Variants in C9orf78 observed in about 807,000 individuals in gnomAD.
The protein encoded by C9orf78 is chromosome 9 open reading frame 78.
Under a neutral mutation model 37.4 loss-of-function variants are expected in C9orf78, and 19 were observed. The ratio of observed to expected loss-of-function variants is 0.51; its 90% CI spans 0.35 to 0.74. The LOEUF (loss-of-function observed/expected upper bound fraction) is 0.74. Ranked by LOEUF, C9orf78 falls within the 30% of genes least tolerant of loss-of-function variation. C9orf78 has a pLI of 0.01. For synonymous variants in C9orf78, 130 were observed against 128.0 expected, an observed-to-expected ratio of 1.02 and a Z score of -0.10; for missense variants, 291 against 370.8, an observed-to-expected ratio of 0.78 and a Z score of 1.77.
rs1184879500 is a variant in C9orf78 at position 129,833,567 on chromosome 9, G to A, written c.196-50C>T. ...AGGAAGCATCTAAATACATGGTAGTGGAATTTTTTTTTTTGTGAAGCACGC... is the reference window on the plus strand; with the variant it reads ...AGGAAGCATCTAAATACATGGTAGTAGAATTTTTTTTTTTGTGAAGCACGC... On this transcript the variant is annotated intron_variant, in intron 3 of 8. Transcript: ENST00000372447. 5 of 1,494,888 alleles carry A rather than the reference G, an allele frequency of 3.3e-6. No individual in the cohort carries two copies. In the East Asian group the frequency reaches 9.0e-5, roughly 27 times the overall value. 92.6% of individuals were successfully genotyped at this position (1,494,888 alleles called of 1,614,324 possible). A position where few individuals can be genotyped will look rare whatever the true frequency, so the allele number is the denominator to read the frequency against.
At chr9:129,833,612 G>C (rs753258332) in intron 3 of C9orf78, 46 bp downstream of exon 3, 2 of 1,486,068 alleles carry the variant, frequency 1.3e-6, no homozygotes, top group South Asian at 2.3e-5. Context: ...GAAGAGCACT[G>C]CAGGGAGGGC....
chr9:129,834,758 A>T lies in C9orf78; in HGVS notation c.92T>A (p.Leu31Gln). The part of the protein sequence containing the change: ...EQDSEEVRLK[L>Q]EETREVQNLR... ...GTTCTGTACCTCTCTGGTCTCTTCC[A>T]GTTTTAATCTTTAAAAAGAAGAAGA... is the stretch of plus-strand genomic sequence containing the variant. Residue 31 changes from leucine to glutamine, a missense_variant, in exon 2 of 9, where the codon CTG becomes CAG. By Grantham distance (113) the Leu-to-Gln change is moderately radical. This residue lies in a region of C9orf78 where 158 missense variants were observed against 174.8 expected (regional missense o/e 0.90). Transcript: ENST00000372447. 2 of 1,609,430 alleles carry T rather than the reference A, an allele frequency of 1.2e-6. No homozygotes were observed. Among genetic ancestry groups the T allele is most frequent in the Non-Finnish European group, 1.7e-6 (2 of 1,176,358 alleles).
chr9:129,829,009 G>A (rs2031417058), intron 8 of C9orf78, 196 bp downstream of exon 8: 1 of 679,512 alleles, frequency 1.5e-6, no homozygotes, highest in African/African-American at 1.8e-5. Context: ...TAACAGGTAG[G>A]TTCTATTAGG....
At position 129,828,230 on chromosome 9, in the gene C9orf78, A is replaced by T; in HGVS notation, c.801T>A (p.Arg267=). The part of the protein sequence containing the change: ...EPERSPPNRK[R]PANEKATDDY... ...CATCAGTTGCCTTCTCGTTAGCAGG[A>T]CGCTTGCGGTTAGGAGGGGACCCTG... The change falls in exon 9 of 9, where the codon CGT becomes CGA. Residue 267 remains arginine, a synonymous_variant. Coordinates refer to ENST00000372447, the MANE Select transcript of C9orf78 (RefSeq NM_016520.3). 1 of 1,606,060 alleles carries T rather than the reference A, an allele frequency of 6.2e-7. No individual in the cohort carries two copies.
intron 4 of C9orf78, among the ~76,000 whole-genome samples, chr9:129,832,406 T>C (rs1030199121): frequency 2.6e-5 from 4 of 152,304 alleles, no homozygotes; most frequent in Admixed American, 6.5e-5. Context: ...ACAGTAAACT[T>C]TTATTTTTTT....
chr9:129,833,444 T>A lies in C9orf78; in HGVS notation c.266+3A>T. The A allele has an allele frequency of 6.4e-7, 1 of 1,571,478 alleles. No homozygotes were observed. Among genetic ancestry groups the A allele is most frequent in the Non-Finnish European group, 8.8e-7 (1 of 1,141,008 alleles). On this transcript the variant is annotated splice_donor_region_variant and intron_variant, in intron 4 of 8. Coordinates refer to ENST00000372447, the MANE Select transcript of C9orf78 (RefSeq NM_016520.3). ...TTTGCATCTAAGCTTGTCCTGAACTTACTTATCTTTGCCCCTTTCCTTCAG... is the reference window on the plus strand; with the variant it reads ...TTTGCATCTAAGCTTGTCCTGAACTAACTTATCTTTGCCCCTTTCCTTCAG...
At chr9:129,831,101 G>T in intron 5 of C9orf78, 33 bp from the exon 6 acceptor site, 2 of 1,407,298 alleles carry the variant, frequency 1.4e-6, no homozygotes, top group Non-Finnish European at 2.0e-6. Context: ...CTCAGGGAGG[G>T]GTGGGAAACA....
intron 1 of C9orf78, 81 bp downstream of exon 1, chr9:129,835,058 C>T (rs1729254696): frequency 8.7e-6 from 10 of 1,143,958 alleles, no homozygotes; most frequent in Non-Finnish European, 1.3e-5. Context: ...TTAACAATGT[C>T]AGCGAAGCGC....
At chr9:129,831,289 G>T in intron 5 of C9orf78, 1 of 557,014 alleles carries the variant, frequency 1.8e-6, no homozygotes, top group Non-Finnish European at 3.2e-6. Flanking sequence ...GATGTACAAG[G>T]TTCTTTGAAG....
rs553422756 is a variant in C9orf78 at position 129,835,230 on chromosome 9, C to A, written c.-9G>T. 3 of 1,602,546 alleles carry A rather than the reference C, an allele frequency of 1.9e-6. No homozygotes were observed. The highest frequency in any genetic ancestry group is 1.1e-5 in the South Asian group (1 of 90,902). ...TTCCGGACGACCGGCATGGTGACAA[C>A]GGCCGAGTTGTACAGCCGCCGCGCC... On this transcript the variant is annotated 5_prime_UTR_variant, in exon 1 of 9. Coordinates refer to ENST00000372447, the MANE Select transcript of C9orf78 (RefSeq NM_016520.3).
At chr9:129,835,074 C>A in intron 1 of C9orf78, 65 bp downstream of exon 1, 1 of 1,235,774 alleles carries the variant, frequency 8.1e-7, no homozygotes, top group Non-Finnish European at 1.2e-6. Flanking sequence ...AGCGCCGAGC[C>A]GGTGGTGAGT....
chr9:129,829,988 A>G (rs2031448402), intron 6 of C9orf78: 1 of 154,982 alleles, frequency 6.5e-6, no homozygotes, highest in African/African-American at 2.4e-5. Context: ...AGGGCCTGAT[A>G]CAGCTGAACA....
At chr9:129,831,202 G>C in intron 5 of C9orf78, 134 bp from the exon 6 acceptor site, 4 of 654,956 alleles carry the variant, frequency 6.1e-6, no homozygotes, top group Non-Finnish European at 1.1e-5. Context: ...AATAACTTGA[G>C]TTTTTTCATC....
Position 129,834,279 on chromosome 9 carries a change from C to T in C9orf78, c.143+428G>A, listed in dbSNP as rs1419441816. 2 of 181,906 alleles carry T rather than the reference C, an allele frequency of 1.1e-5. 1 individual carries two copies. The highest frequency in any genetic ancestry group is 1.2e-4 in the Admixed American group (2 of 17,052). 11.3% of individuals were successfully genotyped at this position (181,906 alleles called of 1,614,324 possible). The stretch of plus-strand genomic sequence containing the variant: ...TCTGAGAGAGAGAGACGAAAAAAAA[C>T]AGATTGGAAAGAGTATTCAATATTA... On this transcript the variant is annotated intron_variant, in intron 2 of 8. Coordinates refer to ENST00000372447, the MANE Select transcript of C9orf78 (RefSeq NM_016520.3).
chr9:129,835,250 CGCGCCTCT>C lies in C9orf78; in HGVS notation c.-37_-30del. On this transcript the variant is annotated 5_prime_UTR_variant, in exon 1 of 9. Transcript: ENST00000372447. Reference sequence around the variant, plus strand: ...GACAACGGCCGAGTTGTACAGCCGCCGCGCCTCTGCGCAGCGGCCCAGGCTGCTTCCGG... The same window carrying C: ...GACAACGGCCGAGTTGTACAGCCGCCGCGCAGCGGCCCAGGCTGCTTCCGG... The C allele has an allele frequency of 2.6e-6, 4 of 1,531,236 alleles. No individual in the cohort carries two copies. Among genetic ancestry groups the C allele is most frequent in the Non-Finnish European group, 3.6e-6 (4 of 1,117,062 alleles). The allele number at this position is 1,531,236 out of a possible 1,614,324, so 94.9% of individuals were successfully genotyped here.
intron 3 of C9orf78, 36 bp downstream of exon 3, chr9:129,833,622 C>A: frequency 6.5e-7 from 1 of 1,531,300 alleles, no homozygotes; most frequent in Admixed American, 1.7e-5. Context: ...GCAGGGAGGG[C>A]TGCCATAACT....
chr9:129,834,784 A>G lies in C9orf78; in HGVS notation c.84-18T>C. The G allele has an allele frequency of 6.3e-7, 1 of 1,584,644 alleles. No individual in the cohort carries two copies. Among genetic ancestry groups the G allele is most frequent in the Non-Finnish European group, 8.7e-7 (1 of 1,155,060 alleles). On this transcript the variant is annotated intron_variant, in intron 1 of 8. Coordinates refer to ENST00000372447, the MANE Select transcript of C9orf78 (RefSeq NM_016520.3). ...GTTTTAATCTTTAAAAAGAAGAAGA[A>G]GCAGCAATGCATAAGCTGAGTGATT...
chr9:129,833,500 C>A lies in C9orf78; in HGVS notation c.213G>T (p.Met71Ile). Residue 71 changes from methionine to isoleucine, a missense_variant, in exon 4 of 9, where the codon ATG becomes ATT. By Grantham distance (10) the Met-to-Ile change is conservative. This residue lies in a region of C9orf78 where 158 missense variants were observed against 174.8 expected (regional missense o/e 0.90). Transcript: ENST00000372447. ...TCATATCCACCATACCACCTGTCTT[C>A]ATCTGAAAGGGATCATCCTGCAGAA... ...ETTLVDDPFQ[M>I]KTGGMVDMKK... 6.2e-7 allele frequency: 1 copy of A among 1,604,006 alleles called. No individual in the cohort carries two copies. Among genetic ancestry groups the A allele is most frequent in the Non-Finnish European group, 8.5e-7 (1 of 1,170,780 alleles).
In C9orf78 at chr9:129,833,669, TCTC is replaced by T; in HGVS notation, c.181_183del (p.Glu61del). 6.2e-7 allele frequency: 1 copy of T among 1,608,990 alleles called. No individual in the cohort carries two copies. Among genetic ancestry groups the T allele is most frequent in the Non-Finnish European group, 8.5e-7 (1 of 1,176,718 alleles). On this transcript the variant is annotated inframe_deletion, in exon 3 of 9. Coordinates refer to ENST00000372447, the MANE Select transcript of C9orf78 (RefSeq NM_016520.3). ...ACCCCATAACTTACCACTAGAGTGG[TCTC>T]CTCTTGTACCTTCTCTCCCACCAGC...
Sources: gnomAD v4.1 joint callset for allele counts (sites outside exome capture counted in the v4.1 genomes callset) on GRCh38, gnomAD v4.1.1 for gene constraint, gnomAD v4.1.1 regional missense constraint, MANE v1.5 for transcripts, NCBI Gene and HGNC (gene_info 2026-07-23, HGNC 2026-07-21) for gene names.